SHC4: variants seen among roughly 807,000 people sequenced by gnomAD.
SHC4 encodes SHC-transforming protein 4.
In SHC4, 41 loss-of-function variants were observed where a neutral mutation model predicts 69.4. The observed-to-expected ratio is 0.59, with a 90% confidence interval of 0.46 to 0.77. The LOEUF (loss-of-function observed/expected upper bound fraction) is 0.77. Among genes scored for constraint, SHC4 ranks in the 30% least tolerant of loss-of-function variants. The pLI is 0.00. For missense variants in SHC4, 777 were observed against 783.8 expected (o/e 0.99, Z 0.10); for synonymous variants, 318 against 299.3 (o/e 1.06, Z -0.64).
At position 48,857,708 on chromosome 15, in the gene SHC4, T is replaced by C. The variant is rs1304482632; in HGVS notation, c.1054A>G (p.Asn352Asp). The C allele has an allele frequency of 1.9e-6, 3 of 1,601,446 alleles. No homozygotes were observed. The Middle Eastern group carries it at 5.0e-4, about 267-fold the overall frequency. ...TTGGCTGACCTTTCACAAGAAGTAT[T>C]CAAAGAAGGATTTTTCAAGTACTGT... is the stretch of plus-strand genomic sequence containing the variant. The part of the protein sequence containing the change: ...FKQYLKNPSL[N>D]TSCESEEVHI... Residue 352 changes from asparagine (N) to aspartate (D), a missense_variant, in exon 7 of 12, where the codon AAT (asparagine) becomes GAT (aspartate). Asn to Asp is a conservative substitution (Grantham distance 23, BLOSUM62 1). Transcript: ENST00000332408.
chr15:48,843,293 T>G, intron 10 of SHC4, 116 bp downstream of exon 10: 1 of 1,025,528 alleles, frequency 9.8e-7, no homozygotes, highest in Non-Finnish European at 1.4e-6. Flanking sequence ...CCAACCCTGC[T>G]GACACTTTGA....
At chr15:48,835,060 C>T in intron 10 of SHC4, 38 bp from the exon 11 acceptor site, 1 of 1,568,348 alleles carries the variant, frequency 6.4e-7, no homozygotes, top group Non-Finnish European at 8.6e-7. Context: ...CATCGAGTTA[C>T]CTCTTCATCC....
At chr15:48,841,713 T>C (rs1165659514) in intron 10 of SHC4, among the ~76,000 whole-genome samples, 2 of 152,208 alleles carry the variant, frequency 1.3e-5, no homozygotes, top group Admixed American at 1.3e-4. Context: ...TCCTCTCCAT[T>C]GCTTCCTGAT....
chr15:48,832,165 G>C (rs1255909108), intron 11 of SHC4, among the ~76,000 whole-genome samples: 1 of 152,114 alleles, frequency 6.6e-6, no homozygotes, highest in Admixed American at 6.5e-5. Flanking sequence ...CTAGCTACTT[G>C]GGAGGCTGAG....
chr15:48,855,802 G>T, intron 8 of SHC4, 151 bp downstream of exon 8: 3 of 753,038 alleles, frequency 4.0e-6, no homozygotes, highest in Non-Finnish European at 6.2e-6. Context: ...ATGATCTAGT[G>T]TAGCCTCTGA....
At chr15:48,899,204 C>T (rs182959420) in intron 2 of SHC4, among the ~76,000 whole-genome samples, 1 of 152,294 alleles carries the variant, frequency 6.6e-6, no homozygotes, top group African/African-American at 2.4e-5. Context: ...TGGTGGCTCA[C>T]ACCTGTAATC....
At chr15:48,871,106 A>G (rs1899667755) in intron 5 of SHC4, among the ~76,000 whole-genome samples, 1 of 152,250 alleles carries the variant, frequency 6.6e-6, no homozygotes, top group African/African-American at 2.4e-5. Flanking sequence ...TGTGGTGGAT[A>G]GAAAACAATC....
chr15:48,857,701 G>C lies in SHC4; in HGVS notation c.1061C>G (p.Ser354Cys), dbSNP rs758690051. 1.3e-6 allele frequency: 2 copies of C among 1,597,458 alleles called. No individual in the cohort carries two copies. Among genetic ancestry groups the C allele is most frequent in the South Asian group, 2.3e-5 (2 of 87,674 alleles). ...QYLKNPSLNT[S>C]CESEEVHIDS... ...AAAACTCTTGGCTGACCTTTCACAA[G>C]AAGTATTCAAAGAAGGATTTTTCAA... The change falls in exon 7 of 12, where the codon TCT (serine) becomes TGT (cysteine). Residue 354 changes from serine (S) to cysteine (C), a missense_variant. Ser to Cys is a moderately radical substitution (Grantham distance 112). Transcript: ENST00000332408.
chr15:48,887,001 G>A (rs117100890), intron 3 of SHC4, among the ~76,000 whole-genome samples: 3 of 152,136 alleles, frequency 2.0e-5, no homozygotes, highest in Admixed American at 2.0e-4. Flanking sequence ...CTATATCTGG[G>A]TCAATTTATT....
chr15:48,954,944 C>G (rs1901419735), intron 1 of SHC4, among the ~76,000 whole-genome samples: 1 of 152,162 alleles, frequency 6.6e-6, no homozygotes. Context: ...ATTTCAGTCT[C>G]AAAGAACTGC....
intron 4 of SHC4, among the ~76,000 whole-genome samples, chr15:48,881,148 A>G (rs1218947565): frequency 6.6e-6 from 1 of 152,024 alleles, no homozygotes. Context: ...ATCCATACAT[A>G]TTATAAATGT....
chr15:48,941,307 G>C (rs539969587), intron 1 of SHC4, among the ~76,000 whole-genome samples: 2 of 152,298 alleles, frequency 1.3e-5, no homozygotes, highest in South Asian at 4.1e-4. Flanking sequence ...ATGTTCATAG[G>C]AGTTTGGCAA....
At chr15:48,898,797 C>A (rs1439177150) in intron 2 of SHC4, among the ~76,000 whole-genome samples, 2 of 152,048 alleles carry the variant, frequency 1.3e-5, no homozygotes, top group Non-Finnish European at 2.9e-5. Context: ...ACACCTACAC[C>A]CACAAACTGA....
At chr15:48,961,677 A>T (rs1901548405) in intron 1 of SHC4, among the ~76,000 whole-genome samples, 1 of 152,200 alleles carries the variant, frequency 6.6e-6, no homozygotes, top group Non-Finnish European at 1.5e-5. Context: ...ATTGCTAAGT[A>T]TTATTATCTT....
chr15:48,900,815 G>A (rs773141585), intron 2 of SHC4, among the ~76,000 whole-genome samples: 10 of 152,158 alleles, frequency 6.6e-5, no homozygotes, highest in Non-Finnish European at 1.3e-4. Flanking sequence ...GAATTAATTG[G>A]TGCCGGACAG....
In SHC4 at chr15:48,963,882, A is replaced by ATT. The variant is rs929463274; in HGVS notation, c.-869_-868dup. Among the ~76,000 whole-genome samples the ATT allele has an allele frequency of 6.6e-6, 1 of 152,200 alleles. No homozygotes were observed. Among genetic ancestry groups the ATT allele is most frequent in the Non-Finnish European group, 1.5e-5 (1 of 68,042 alleles). ...TTTATGAATGAACTTTGCCGAATGA[A>ATT]TTTCTCTGTGTGTGTGCAAGCTAAT... On this transcript the variant is annotated 5_prime_UTR_variant, in exon 1 of 12. Transcript: ENST00000332408.
chr15:48,866,288 T>A (rs1249362080), intron 6 of SHC4, among the ~76,000 whole-genome samples: 1 of 152,234 alleles, frequency 6.6e-6, no homozygotes. Flanking sequence ...TCCTGCACAC[T>A]CTTTGACCAT....
chr15:48,962,910 C>T lies in SHC4; in HGVS notation c.106G>A (p.Glu36Lys). Residue 36 changes from glutamate to lysine, a missense_variant, in exon 1 of 12, where the codon GAG (glutamate) becomes AAG (lysine). Transcript: ENST00000332408. ...HRAKYSRFRN[E>K]SITSLDEGSS... ...CCTTCGTCCAAGGACGTGATCGACT[C>T]GTTCCGAAAGCGGCTGTACTTGGCC... 1.9e-6 allele frequency: 3 copies of T among 1,613,362 alleles called. No homozygotes were observed. Among genetic ancestry groups the T allele is most frequent in the Non-Finnish European group, 2.5e-6 (3 of 1,180,026 alleles).
chr15:48,934,604 C>A (rs1353567442), intron 1 of SHC4, among the ~76,000 whole-genome samples: 2 of 152,144 alleles, frequency 1.3e-5, no homozygotes, highest in African/African-American at 4.8e-5. Flanking sequence ...GAAATATACC[C>A]AATAAAATTG....
Sources: allele counts gnomAD v4.1 joint callset (sites outside exome capture counted in the v4.1 genomes callset), GRCh38; gene constraint gnomAD v4.1.1; transcripts MANE v1.5; gene names NCBI Gene and HGNC (gene_info 2026-07-23, HGNC 2026-07-21).